CEP63: variants seen among roughly 807,000 people sequenced by gnomAD.
CEP63 encodes the protein centrosomal protein of 63 kDa.
A neutral mutation model predicts 89.1 loss-of-function variants in CEP63; 84 were observed. The observed-to-expected ratio is 0.94, with a 90% CI of 0.79 to 1.13. The LOEUF (loss-of-function observed/expected upper bound fraction) is 1.13. Among genes scored for constraint, CEP63 ranks in the 50% most tolerant of loss-of-function variants. The probability of loss-of-function intolerance (pLI) is 0.00; values close to 1 mark genes in which losing one functional copy is unlikely to be tolerated. For synonymous variants in CEP63, 267 were observed against 272.5 expected (o/e 0.98, Z 0.20); for missense variants, 838 against 813.3 (o/e 1.03, Z -0.37).
At chr3:134,750,833 G>A in the CEP63 span, among the ~76,000 whole-genome samples, 1 of 152,152 alleles carries the variant, frequency 6.6e-6, no homozygotes, top group African/African-American at 2.4e-5. Flanking sequence ...AGCTTTGTTT[G>A]CTTTTTAAAA....
chr3:134,773,694 C>A, the CEP63 span, among the ~76,000 whole-genome samples: 2 of 152,112 alleles, frequency 1.3e-5, no homozygotes, highest in African/African-American at 2.4e-5. Context: ...AGCCCACCCC[C>A]CCACCTTCTC....
chr3:134,639,307 G>C, the CEP63 span, among the ~76,000 whole-genome samples: 5 of 152,170 alleles, frequency 3.3e-5, no homozygotes, highest in Admixed American at 3.3e-4. Flanking sequence ...CCACCCTTAG[G>C]GGGTACTGCC....
chr3:134,510,993 T>C (rs535434420), intron 3 of CEP63: 1 of 161,070 alleles, frequency 6.2e-6, no homozygotes, highest in South Asian at 1.5e-4. Context: ...TTTGTAATGA[T>C]TTCTGAATTC....
the CEP63 span, among the ~76,000 whole-genome samples, chr3:134,778,779 C>G: frequency 2.6e-5 from 4 of 152,188 alleles, no homozygotes; most frequent in African/African-American, 9.7e-5. Context: ...CCAGGATGGT[C>G]TTGATCTCCT....
chr3:134,736,816 C>T, the CEP63 span, among the ~76,000 whole-genome samples: 17 of 152,136 alleles, frequency 1.1e-4, no homozygotes, highest in Admixed American at 1.3e-4. Flanking sequence ...GAAGAACATT[C>T]ATCCCAGATA....
At position 134,549,127 on chromosome 3, in the gene CEP63, T is replaced by G. The variant is rs762045491; in HGVS notation, c.1133T>G (p.Leu378Arg). ...SQELMEKYEE[L>R]KRMEAHNNEY... Reference sequence around the variant, plus strand: ...GAACTAATGGAAAAATATGAAGAACTGAAGAGGATGGAAGCACATAACAAT... The same window carrying G: ...GAACTAATGGAAAAATATGAAGAACGGAAGAGGATGGAAGCACATAACAAT... Residue 378 changes from leucine (L) to arginine (R), a missense_variant, in exon 10 of 15, where the codon CTG becomes CGG. Transcript: ENST00000675561. The G allele has an allele frequency of 5.0e-6, 8 of 1,613,594 alleles. No homozygotes were observed. Among genetic ancestry groups the G allele is most frequent in the Admixed American group, 1.7e-5 (1 of 60,022 alleles).
At chr3:134,529,444 G>T (rs111892670) in intron 3 of CEP63, among the ~76,000 whole-genome samples, 1 of 149,424 alleles carries the variant, frequency 6.7e-6, no homozygotes, top group South Asian at 2.1e-4. Flanking sequence ...GGGTTCAAGC[G>T]ATTCTTGTGC....
At chr3:134,585,486 A>G (rs1958465258) in intron 10 of CEP63, among the ~76,000 whole-genome samples, 2 of 152,096 alleles carry the variant, frequency 1.3e-5, no homozygotes, top group Non-Finnish European at 2.9e-5. Flanking sequence ...GTTTCCATGT[A>G]GTTGTTTCCA....
rs1282964009 is a variant in CEP63, at chr3:134,562,675, C to T, written c.*1140C>T. 2 of 152,456 alleles carry T rather than the reference C, an allele frequency of 1.3e-5. No homozygotes were observed. Among genetic ancestry groups the T allele is most frequent in the African/African-American group, 4.8e-5 (2 of 41,452 alleles). 9.4% of individuals were successfully genotyped at this position (152,456 alleles called of 1,614,324 possible). On this transcript the variant is annotated 3_prime_UTR_variant, in exon 15 of 15. Transcript: ENST00000675561. ...CCACCGTAGTTCTCTTCCTAACCCTCTCCAACACCACTTCCATCCCCAGAC... is the reference window on the plus strand; with the variant it reads ...CCACCGTAGTTCTCTTCCTAACCCTTTCCAACACCACTTCCATCCCCAGAC...
chr3:134,763,926 G>A, the CEP63 span, among the ~76,000 whole-genome samples: 1,586 of 152,296 alleles, frequency 0.01, 29 homozygotes, highest in African/African-American at 0.036. Context: ...GCAGAAGGAG[G>A]AGCAGCAAGT....
chr3:134,702,892 T>C, the CEP63 span, among the ~76,000 whole-genome samples: 7 of 152,130 alleles, frequency 4.6e-5, no homozygotes, highest in Admixed American at 1.3e-4. Context: ...GTTCAACCAT[T>C]GTGGACAACA....
chr3:134,643,931 A>G, the CEP63 span, among the ~76,000 whole-genome samples: 122 of 150,796 alleles, frequency 8.1e-4, no homozygotes, highest in African/African-American at 2.8e-3. Context: ...GGTTCGTGCC[A>G]TTCTCCTGCC....
At position 134,564,345 on chromosome 3, in the gene CEP63, C is replaced by T. The variant is rs1461677101; in HGVS notation, c.*2810C>T. 1.0e-6 allele frequency: 1 copy of T among 985,374 alleles called. No homozygotes were observed. The highest frequency in any genetic ancestry group is 1.7e-5 in the African/African-American group (1 of 57,228). The allele number at this position is 985,374 out of a possible 1,614,324, so 61.0% of individuals were successfully genotyped here. A position where few individuals can be genotyped will look rare whatever the true frequency, so the allele number is the denominator to read the frequency against. ...TCTTCCCACACCCTGTCATGTGCTC[C>T]TAAAACTCCCCCTTTACTTGGCTAC... is the stretch of plus-strand genomic sequence containing the variant. On this transcript the variant is annotated 3_prime_UTR_variant, in exon 15 of 15. Transcript: ENST00000675561.
chr3:134,548,174 G>T (rs1402348573), intron 9 of CEP63, among the ~76,000 whole-genome samples: 2 of 152,116 alleles, frequency 1.3e-5, no homozygotes, highest in Non-Finnish European at 2.9e-5. Context: ...CTATGTCTCC[G>T]TCAAGTTATT....
the CEP63 span, among the ~76,000 whole-genome samples, chr3:134,705,176 A>G: frequency 1.3e-3 from 200 of 152,320 alleles, 1 homozygote; most frequent in African/African-American, 4.4e-3. Flanking sequence ...TTTATAAGGA[A>G]AAGAGGTTTC....
chr3:134,704,856 C>T, the CEP63 span, among the ~76,000 whole-genome samples: 21 of 152,128 alleles, frequency 1.4e-4, no homozygotes, highest in African/African-American at 1.9e-4. Flanking sequence ...AGAGGTGGGG[C>T]GTGGCAGGGG....
At chr3:134,585,655 G>T (rs189852875) in intron 10 of CEP63, among the ~76,000 whole-genome samples, 11 of 152,286 alleles carry the variant, frequency 7.2e-5, no homozygotes, top group Admixed American at 7.2e-4. Context: ...GTGCTGAGAA[G>T]AATGTATATT....
chr3:134,603,593 C>T, the CEP63 span: 5 of 1,582,984 alleles, frequency 3.2e-6, no homozygotes, highest in East Asian at 4.5e-5. Context: ...TGGGCATTCA[C>T]TTTGTATTTC....
At chr3:134,771,418 T>C in the CEP63 span, among the ~76,000 whole-genome samples, 14 of 152,192 alleles carry the variant, frequency 9.2e-5, no homozygotes, top group African/African-American at 1.4e-4. Context: ...TGAGAACACA[T>C]GGACACTTGG....
Sources: allele counts gnomAD v4.1 joint callset (sites outside exome capture counted in the v4.1 genomes callset), GRCh38; gene constraint gnomAD v4.1.1; transcripts MANE v1.5; gene names NCBI Gene and HGNC (gene_info 2026-07-23, HGNC 2026-07-21).